BHLHA15: variants seen among roughly 807,000 people sequenced by gnomAD.
BHLHA15 encodes the protein basic helix-loop-helix family member a15, also known as class A basic helix-loop-helix protein 15.
In BHLHA15, 7 loss-of-function variants were observed where a neutral mutation model predicts 10.4. The ratio of observed to expected loss-of-function variants is 0.67; its 90% CI spans 0.38 to 1.26. The LOEUF is 1.26. Ranked by LOEUF, BHLHA15 falls within the 50% of genes most tolerant of loss-of-function variation. The pLI is 0.02. For missense variants in BHLHA15, 289 were observed against 287.4 expected (o/e 1.01, Z -0.04); for synonymous variants, 140 against 131.5 (o/e 1.06, Z -0.44).
rs1797940581 is a variant in BHLHA15 at position 98,213,529 on chromosome 7, G to A, written c.*650G>A. Among the ~76,000 whole-genome samples, 2 of 152,232 alleles carry A rather than the reference G, an allele frequency of 1.3e-5. No individual in the cohort carries two copies. The highest frequency in any genetic ancestry group is 4.1e-4 in the South Asian group (2 of 4,836). On this transcript the variant is annotated 3_prime_UTR_variant, in exon 2 of 2. Transcript: ENST00000609256. ...CTCTTCCTCCCTCCTCCCAAGTTGG[G>A]GCTCCTGGATGTGTTGACTCCAGGC...
At position 98,212,997 on chromosome 7, in the gene BHLHA15, T is replaced by C; in HGVS notation, c.*118T>C. ...GGTGACACCCCACAAGGACACGGCC[T>C]CAGCGGTTCCATTTTCCCCCGAACA... On this transcript the variant is annotated 3_prime_UTR_variant, in exon 2 of 2. Transcript: ENST00000609256. 1.1e-6 allele frequency: 1 copy of C among 951,304 alleles called. No homozygotes were observed. Among genetic ancestry groups the C allele is most frequent in the Non-Finnish European group, 1.5e-6 (1 of 666,938 alleles). 58.9% of individuals were successfully genotyped at this position (951,304 alleles called of 1,614,324 possible). A position where few individuals can be genotyped will look rare whatever the true frequency, so the allele number is the denominator to read the frequency against.
rs932351224 is a variant in BHLHA15 at position 98,213,138 on chromosome 7, T to C, written c.*259T>C. ...GCCCAAACCTCTAGGTAGGGCCCAGTTGGATCCTGATTTTTCATTGAGCCA... is the reference window on the plus strand; with the variant it reads ...GCCCAAACCTCTAGGTAGGGCCCAGCTGGATCCTGATTTTTCATTGAGCCA... On this transcript the variant is annotated 3_prime_UTR_variant, in exon 2 of 2. Transcript: ENST00000609256. Among the ~76,000 whole-genome samples, 1 of 152,192 alleles carries C rather than the reference T, an allele frequency of 6.6e-6. No individual in the cohort carries two copies. Among genetic ancestry groups the C allele is most frequent in the African/African-American group, 2.4e-5 (1 of 41,456 alleles).
Position 98,212,414 on chromosome 7 carries a change from AGAGCCGGCCAAGGGTCTGCG to A in BHLHA15, c.115_134del (p.Lys39GlyfsTer26), listed in dbSNP as rs1797920018. On this transcript the variant is annotated frameshift_variant, in exon 2 of 2. Transcript: ENST00000609256. LOFTEE classifies it high-confidence loss of function. ...ACGGGTCCCTGCCGAACCCGGGGCC[AGAGCCGGCCAAGGGTCTGCG>A]GAGCCGGCCGGCCCGGGCCGCAGCA... 5 of 1,492,442 alleles carry A rather than the reference AGAGCCGGCCAAGGGTCTGCG, an allele frequency of 3.4e-6. No individual in the cohort carries two copies. Among genetic ancestry groups the A allele is most frequent in the Non-Finnish European group, 4.5e-6 (5 of 1,122,562 alleles). 92.4% of individuals were successfully genotyped at this position (1,492,442 alleles called of 1,614,324 possible).
Position 98,214,051 on chromosome 7 carries a change from C to A in BHLHA15, c.*1172C>A, listed in dbSNP as rs1163119765. Among the ~76,000 whole-genome samples the A allele has an allele frequency of 6.6e-6, 1 of 152,228 alleles. No individual in the cohort carries two copies. Among genetic ancestry groups the A allele is most frequent in the Non-Finnish European group, 1.5e-5 (1 of 68,040 alleles). On this transcript the variant is annotated 3_prime_UTR_variant, in exon 2 of 2. Transcript: ENST00000609256. Reference sequence around the variant, plus strand: ...CCGGACTTGGCTACTGGACTCTCCCCTCCCTCATGCCTCTGCCCAGAGATG... The same window carrying A: ...CCGGACTTGGCTACTGGACTCTCCCATCCCTCATGCCTCTGCCCAGAGATG...
In BHLHA15 at chr7:98,212,999, A is replaced by C; in HGVS notation, c.*120A>C. 2 of 948,906 alleles carry C rather than the reference A, an allele frequency of 2.1e-6. No individual in the cohort carries two copies. The highest frequency in any genetic ancestry group is 3.0e-6 in the Non-Finnish European group (2 of 665,248). The allele number at this position is 948,906 out of a possible 1,614,324, so 58.8% of individuals were successfully genotyped here. A position where few individuals can be genotyped will look rare whatever the true frequency, so the allele number is the denominator to read the frequency against. On this transcript the variant is annotated 3_prime_UTR_variant, in exon 2 of 2. Transcript: ENST00000609256. ...TGACACCCCACAAGGACACGGCCTC[A>C]GCGGTTCCATTTTCCCCCGAACATT... is the stretch of plus-strand genomic sequence containing the variant.
Position 98,214,671 on chromosome 7 carries a change from G to C in BHLHA15, c.*1792G>C, listed in dbSNP as rs578034770. ...TGCCCCTGAACTTGCTGAATGGACC[G>C]ACGAGCTGAGCCTGAAAGCCCAGAA... On this transcript the variant is annotated 3_prime_UTR_variant, in exon 2 of 2. Coordinates refer to ENST00000609256, the MANE Select transcript of BHLHA15 (RefSeq NM_177455.4). The C allele has an allele frequency of 6.6e-6, 1 of 152,368 alleles. No homozygotes were observed. The allele number at this position is 152,368 out of a possible 1,614,324, so 9.4% of individuals were successfully genotyped here.
In BHLHA15 at chr7:98,213,156, T is replaced by C. The variant is rs1195545044; in HGVS notation, c.*277T>C. On this transcript the variant is annotated 3_prime_UTR_variant, in exon 2 of 2. Transcript: ENST00000609256. ...GGCCCAGTTGGATCCTGATTTTTCA[T>C]TGAGCCAGGCAGTCTCAGCCCGAGT... Among the ~76,000 whole-genome samples the C allele has an allele frequency of 3.9e-5, 6 of 152,226 alleles. No homozygotes were observed. Among genetic ancestry groups the C allele is most frequent in the South Asian group, 2.1e-4 (1 of 4,832 alleles).
At position 98,212,419 on chromosome 7, in the gene BHLHA15, C is replaced by G; in HGVS notation, c.110C>G (p.Pro37Arg). 1 of 1,491,658 alleles carries G rather than the reference C, an allele frequency of 6.7e-7. No homozygotes were observed. The highest frequency in any genetic ancestry group is 8.9e-7 in the Non-Finnish European group (1 of 1,121,968). 92.4% of individuals were successfully genotyped at this position (1,491,658 alleles called of 1,614,324 possible). A position where few individuals can be genotyped will look rare whatever the true frequency, so the allele number is the denominator to read the frequency against. The change falls in exon 2 of 2, where the codon CCG becomes CGG. Residue 37 changes from proline (P) to arginine (R), a missense_variant. Transcript: ENST00000609256. ...DGSLPNPGPE[P>R]AKGLRSRPAR... The stretch of plus-strand genomic sequence containing the variant: ...TCCCTGCCGAACCCGGGGCCAGAGC[C>G]GGCCAAGGGTCTGCGGAGCCGGCCG...
Position 98,212,605 on chromosome 7 carries a change from G to C in BHLHA15, c.296G>C (p.Arg99Pro). ...CTAAATAACGCCTTCCAGGCCCTGC[G>C]TGAAGTCATCCCCCACGTGCGCGCG... Reference protein sequence around the residue: ...HKLNNAFQALREVIPHVRADK... With the variant: ...HKLNNAFQALPEVIPHVRADK... Residue 99 changes from arginine to proline, a missense_variant, in exon 2 of 2, where the codon CGT (arginine) becomes CCT (proline). By Grantham distance (103) the Arg-to-Pro change is moderately radical. Transcript: ENST00000609256. The C allele has an allele frequency of 2.5e-6, 4 of 1,607,542 alleles. No homozygotes were observed. Among genetic ancestry groups the C allele is most frequent in the Non-Finnish European group, 3.4e-6 (4 of 1,178,090 alleles).
Position 98,214,690 on chromosome 7 carries a change from CCCAGAAGAGCCTCGGT to C in BHLHA15, c.*1820_*1835del, listed in dbSNP as rs1275137156. ...TGGACCGACGAGCTGAGCCTGAAAG[CCCAGAAGAGCCTCGGT>C]CCAGAAGACGGAGACTCGGCCCGGT... On this transcript the variant is annotated 3_prime_UTR_variant, in exon 2 of 2. Coordinates refer to ENST00000609256, the MANE Select transcript of BHLHA15 (RefSeq NM_177455.4). 6.6e-6 allele frequency: 1 copy of C among 152,276 alleles called. No individual in the cohort carries two copies. The highest frequency in any genetic ancestry group is 1.5e-5 in the Non-Finnish European group (1 of 68,088). The allele number at this position is 152,276 out of a possible 1,614,324, so 9.4% of individuals were successfully genotyped here.
At position 98,215,275 on chromosome 7, in the gene BHLHA15, A is replaced by G. The variant is rs1797978333; in HGVS notation, c.*2396A>G. The G allele has an allele frequency of 6.6e-6, 1 of 152,246 alleles. No homozygotes were observed. The highest frequency in any genetic ancestry group is 6.5e-5 in the Admixed American group (1 of 15,284). The allele number at this position is 152,246 out of a possible 1,614,324, so 9.4% of individuals were successfully genotyped here. On this transcript the variant is annotated 3_prime_UTR_variant, in exon 2 of 2. Transcript: ENST00000609256. ...GAGAAGCCAGAACCGCGATTGTTGCATCTGGGAAAACCCAGCTGGAGCCGA... is the reference window on the plus strand; with the variant it reads ...GAGAAGCCAGAACCGCGATTGTTGCGTCTGGGAAAACCCAGCTGGAGCCGA...
Position 98,212,605 on chromosome 7 carries a change from G to T in BHLHA15, c.296G>T (p.Arg99Leu). ...CTAAATAACGCCTTCCAGGCCCTGC[G>T]TGAAGTCATCCCCCACGTGCGCGCG... ...HKLNNAFQAL[R>L]EVIPHVRADK... Residue 99 changes from arginine (R) to leucine (L), a missense_variant, in exon 2 of 2, where the codon CGT becomes CTT. Arg to Leu is a moderately radical substitution (Grantham distance 102, BLOSUM62 -2). Coordinates refer to ENST00000609256, the MANE Select transcript of BHLHA15 (RefSeq NM_177455.4). 1 of 1,607,542 alleles carries T rather than the reference G, an allele frequency of 6.2e-7. No homozygotes were observed. The highest frequency in any genetic ancestry group is 8.5e-7 in the Non-Finnish European group (1 of 1,178,090).
In BHLHA15 at chr7:98,213,923, G is replaced by A. The variant is rs767783462; in HGVS notation, c.*1044G>A. 1.2e-4 allele frequency among the ~76,000 whole-genome samples: 19 copies of A among 152,276 alleles called. No homozygotes were observed. Among genetic ancestry groups the A allele is most frequent in the South Asian group, 2.1e-4 (1 of 4,832 alleles). ...GGGTGGCAGGTACGTCCCTTCCCCC[G>A]CCCAGGTGCTTCATCCTCATGGCCA... is the stretch of plus-strand genomic sequence containing the variant. On this transcript the variant is annotated 3_prime_UTR_variant, in exon 2 of 2. Transcript: ENST00000609256.
In BHLHA15 at chr7:98,213,301, C is replaced by G. The variant is rs993734742; in HGVS notation, c.*422C>G. Among the ~76,000 whole-genome samples, 2 of 152,336 alleles carry G rather than the reference C, an allele frequency of 1.3e-5. No individual in the cohort carries two copies. Among genetic ancestry groups the G allele is most frequent in the Non-Finnish European group, 2.9e-5 (2 of 68,032 alleles). ...AGGCCAAAGCCCCAGCAAGGACCCC[C>G]TCTCCAACCTTTGTTATAGGGCTAC... On this transcript the variant is annotated 3_prime_UTR_variant, in exon 2 of 2. Transcript: ENST00000609256.
intron 1 of BHLHA15, 40 bp from the exon 2 acceptor site, chr7:98,212,216 T>C: frequency 8.4e-7 from 1 of 1,192,080 alleles, no homozygotes; most frequent in Non-Finnish European, 1.1e-6. Flanking sequence ...CCCCTGCCCA[T>C]GTGGGGTGAC....
Position 98,212,248 on chromosome 7 carries a change from G to T in BHLHA15, c.-54-8G>T, listed in dbSNP as rs1584311004. 7.7e-7 allele frequency: 1 copy of T among 1,302,010 alleles called. No homozygotes were observed. Among genetic ancestry groups the T allele is most frequent in the East Asian group, 3.2e-5 (1 of 31,398 alleles). 80.7% of individuals were successfully genotyped at this position (1,302,010 alleles called of 1,614,324 possible). A position where few individuals can be genotyped will look rare whatever the true frequency, so the allele number is the denominator to read the frequency against. On this transcript the variant is annotated splice_polypyrimidine_tract_variant and splice_region_variant and intron_variant, in intron 1 of 1. Transcript: ENST00000609256. ...TGACCACAGAGTGTCCTGTGTTCTG[G>T]ATTTCAGCTCCAAGGGCCTCACCTT...
intron 1 of BHLHA15, among the ~76,000 whole-genome samples, 172 bp downstream of exon 1, chr7:98,211,670 G>T (rs1172869650): frequency 1.3e-5 from 2 of 152,136 alleles, no homozygotes; most frequent in African/African-American, 2.4e-5. Flanking sequence ...GGGGGCTGCC[G>T]CCAGGCCCTG....
rs1334080308 is a variant in BHLHA15 at position 98,213,512 on chromosome 7, C to T, written c.*633C>T. ...TGGGGAGGGGCTGGAGTCTCTTCCT[C>T]CCTCCTCCCAAGTTGGGGCTCCTGG... On this transcript the variant is annotated 3_prime_UTR_variant, in exon 2 of 2. Transcript: ENST00000609256. Among the ~76,000 whole-genome samples the T allele has an allele frequency of 3.9e-5, 6 of 152,214 alleles. No individual in the cohort carries two copies. The highest frequency in any genetic ancestry group is 7.2e-5 in the African/African-American group (3 of 41,462).
At position 98,212,718 on chromosome 7, in the gene BHLHA15, A is replaced by G; in HGVS notation, c.409A>G (p.Ser137Gly). Reference sequence around the variant, plus strand: ...GGCCACCATCCTGACCATGTCCAGCAGCCGCCTCCCAGGCCTGGAGGGGCC... The same window carrying G: ...GGCCACCATCCTGACCATGTCCAGCGGCCGCCTCCCAGGCCTGGAGGGGCC... ...LTATILTMSS[S>G]RLPGLEGPGP... is the part of the protein sequence containing the mutation. The change falls in exon 2 of 2, where the codon AGC becomes GGC. Residue 137 changes from serine (S) to glycine (G), a missense_variant. By Grantham distance (56) the Ser-to-Gly change is moderately conservative (BLOSUM62 0). Coordinates refer to ENST00000609256, the MANE Select transcript of BHLHA15 (RefSeq NM_177455.4). 6.4e-7 allele frequency: 1 copy of G among 1,561,960 alleles called. No individual in the cohort carries two copies. Among genetic ancestry groups the G allele is most frequent in the Non-Finnish European group, 8.7e-7 (1 of 1,153,640 alleles).
Sources: gnomAD v4.1 joint callset for allele counts (sites outside exome capture counted in the v4.1 genomes callset) on GRCh38, gnomAD v4.1.1 for gene constraint, MANE v1.5 for transcripts, NCBI Gene and HGNC (gene_info 2026-07-23, HGNC 2026-07-21) for gene names.